The following ADAMTSL3 variants were observed in gnomAD, a reference collection of about 807,000 sequenced individuals.
The protein encoded by ADAMTSL3 is ADAMTS-like protein 3.
A neutral mutation model predicts 201.7 loss-of-function variants in ADAMTSL3; 128 were observed. The observed-to-expected ratio is 0.63, with a 90% CI of 0.55 to 0.73. The LOEUF (loss-of-function observed/expected upper bound fraction) is 0.73. ADAMTSL3 is among the 30% of genes least tolerant of loss of function. ADAMTSL3 has a pLI of 0.00. For missense variants in ADAMTSL3, 1,990 were observed against 2,119.6 expected (o/e 0.94, Z 1.20); for synonymous variants, 738 against 748.4 (o/e 0.99, Z 0.23).
At chr15:83,897,760 A>G (rs774993024) in intron 13 of ADAMTSL3, 98 bp from the exon 14 acceptor site, 3 of 1,357,004 alleles carry the variant, frequency 2.2e-6, no homozygotes, top group African/African-American at 1.4e-5. Context: ...TGTGTTTAAC[A>G]TTTATGTAGT....
chr15:83,991,071 TC>T lies in ADAMTSL3; in HGVS notation c.3845-12del, dbSNP rs750449413. 5 of 1,613,992 alleles carry T rather than the reference TC, an allele frequency of 3.1e-6. No individual in the cohort carries two copies. The African/African-American group carries it at 6.7e-5, about 22-fold the overall frequency. ...GCCTGAACCTAACATAGTTTCCTGC[TC>T]CCTTTGAATTAAGAGGCACCTGTCA... On this transcript the variant is annotated splice_polypyrimidine_tract_variant and intron_variant, in intron 22 of 29. Coordinates refer to ENST00000286744, the MANE Select transcript of ADAMTSL3 (RefSeq NM_207517.3).
intron 2 of ADAMTSL3, among the ~76,000 whole-genome samples, chr15:83,695,439 C>T (rs1596041691): frequency 6.6e-6 from 1 of 151,864 alleles, no homozygotes. Context: ...GTAAACAGCT[C>T]ATTCTGAGTA....
At chr15:83,887,000 A>C (rs11637095) in intron 10 of ADAMTSL3, among the ~76,000 whole-genome samples, 1 of 152,234 alleles carries the variant, frequency 6.6e-6, no homozygotes, top group South Asian at 2.1e-4. Context: ...GGTTGAGGCA[A>C]TGGACCACTT....
chr15:83,854,937 C>A (rs1481120134), intron 7 of ADAMTSL3, among the ~76,000 whole-genome samples: 1 of 152,182 alleles, frequency 6.6e-6, no homozygotes, highest in Non-Finnish European at 1.5e-5. Context: ...TCTAGAGCAA[C>A]AGGTGTTCCA....
At chr15:83,908,008 T>A (rs968071299) in intron 15 of ADAMTSL3, among the ~76,000 whole-genome samples, 3 of 152,224 alleles carry the variant, frequency 2.0e-5, no homozygotes, top group Non-Finnish European at 4.4e-5. Context: ...TCCCAAGATA[T>A]GTTTTTCTTT....
At chr15:83,900,803 A>G (rs922664) in intron 15 of ADAMTSL3, among the ~76,000 whole-genome samples, 95,359 of 152,064 alleles carry the variant, frequency 0.63, 30,996 homozygotes, top group African/African-American at 0.79. Context: ...AAAAAAATAC[A>G]TCTATGCCCC....
rs1308108593 is a variant in ADAMTSL3, at chr15:83,994,600, T to G, written c.3973+3386T>G. On this transcript the variant is annotated intron_variant, in intron 23 of 29. Transcript: ENST00000286744. ...TTTGTTTTTTCGTTTTTTTTTTTTT[T>G]TTTTTTTTTTTTTTGACACAGAACC... 8.4e-5 allele frequency among the ~76,000 whole-genome samples: 11 copies of G among 130,718 alleles called. No individual in the cohort carries two copies. The East Asian group carries it at 9.0e-4, about 11-fold the overall frequency. 85.8% of individuals were successfully genotyped at this position (130,718 alleles called of 152,430 possible). A position where few individuals can be genotyped will look rare whatever the true frequency, so the allele number is the denominator to read the frequency against.
intron 15 of ADAMTSL3, among the ~76,000 whole-genome samples, chr15:83,907,893 C>G (rs1319814081): frequency 6.6e-6 from 1 of 152,066 alleles, no homozygotes; most frequent in Non-Finnish European, 1.5e-5. Flanking sequence ...GAGTAAATAG[C>G]CAGTAGTGGA....
chr15:83,982,960 A>G lies in ADAMTSL3; in HGVS notation c.3332A>G (p.Glu1111Gly). The G allele has an allele frequency of 2.5e-6, 4 of 1,614,138 alleles. No homozygotes were observed. Among genetic ancestry groups the G allele is most frequent in the Non-Finnish European group, 3.4e-6 (4 of 1,180,032 alleles). Residue 1111 changes from glutamate to glycine, a missense_variant, in exon 21 of 30, where the codon GAG becomes GGG. By Grantham distance (98) the Glu-to-Gly change is moderately conservative (BLOSUM62 -2). Coordinates refer to ENST00000286744, the MANE Select transcript of ADAMTSL3 (RefSeq NM_207517.3). ...RNMSQLMETG[E>G]VSDDLASQLI... is the part of the protein sequence containing the mutation. ...ATGAGTCAGCTCATGGAAACCGGAG[A>G]GGTCAGCGATGATCTTGCGTCCCAG...
At chr15:83,715,647 C>T (rs544941840) in intron 3 of ADAMTSL3, among the ~76,000 whole-genome samples, 36 of 152,308 alleles carry the variant, frequency 2.4e-4, no homozygotes, top group African/African-American at 6.7e-4. Context: ...AAATGCACAA[C>T]GAGCATATAT....
intron 3 of ADAMTSL3, among the ~76,000 whole-genome samples, chr15:83,723,890 A>G (rs1032464576): frequency 6.6e-6 from 1 of 151,754 alleles, no homozygotes; most frequent in Admixed American, 6.7e-5. Flanking sequence ...CTAAATACTG[A>G]TGAAGAAGCA....
At chr15:83,669,866 C>G (rs910547099) in intron 2 of ADAMTSL3, among the ~76,000 whole-genome samples, 3 of 152,082 alleles carry the variant, frequency 2.0e-5, no homozygotes, top group African/African-American at 4.8e-5. Context: ...TCACTATACT[C>G]TCACAACCCT....
chr15:83,748,827 C>G (rs2062593238), intron 3 of ADAMTSL3, among the ~76,000 whole-genome samples: 1 of 152,086 alleles, frequency 6.6e-6, no homozygotes, highest in South Asian at 2.1e-4. Flanking sequence ...TGCTACAGGA[C>G]TTGTAAAGAG....
intron 16 of ADAMTSL3, among the ~76,000 whole-genome samples, chr15:83,915,442 T>A (rs1368580427): frequency 1.3e-5 from 2 of 152,044 alleles, no homozygotes; most frequent in Non-Finnish European, 2.9e-5. Context: ...CAGTACCCAC[T>A]GAGATGGCCC....
intron 17 of ADAMTSL3, among the ~76,000 whole-genome samples, chr15:83,934,058 T>G (rs2066415169): frequency 6.6e-6 from 1 of 152,126 alleles, no homozygotes; most frequent in Non-Finnish European, 1.5e-5. Flanking sequence ...CACTGCCTAG[T>G]GGAGCTGTGA....
At chr15:83,961,712 T>G (rs568271481) in intron 19 of ADAMTSL3, 1 of 152,280 alleles carries the variant, frequency 6.6e-6, no homozygotes, top group Admixed American at 6.5e-5. Context: ...TACTGTCTGA[T>G]AAGCCCTTGA....
rs992758456 is a variant in ADAMTSL3 at position 84,038,459 on chromosome 15, C to T, written c.*653C>T. 2.0e-5 allele frequency: 3 copies of T among 152,542 alleles called. No homozygotes were observed. Among genetic ancestry groups the T allele is most frequent in the Admixed American group, 6.5e-5 (1 of 15,272 alleles). 9.4% of individuals were successfully genotyped at this position (152,542 alleles called of 1,614,324 possible). Reference sequence around the variant, plus strand: ...GATATTGCTGTCATTTATACAACTACAGAAATTTATCTATGACCTAATGAG... The same window carrying T: ...GATATTGCTGTCATTTATACAACTATAGAAATTTATCTATGACCTAATGAG... On this transcript the variant is annotated 3_prime_UTR_variant, in exon 30 of 30. Transcript: ENST00000286744.
In ADAMTSL3 at chr15:83,768,192, C is replaced by G. The variant is rs572050290; in HGVS notation, c.190-5331C>G. On this transcript the variant is annotated intron_variant, in intron 3 of 29. Transcript: ENST00000286744. ...TTGCTTACCCTTATTGAGATACTCA[C>G]CAACTGCATGCGTGGAGATGCTGCC... Among the ~76,000 whole-genome samples, 18 of 152,314 alleles carry G rather than the reference C, an allele frequency of 1.2e-4. 1 individual carries two copies. The South Asian group carries it at 3.7e-3, about 32-fold the overall frequency.
At chr15:83,871,910 C>T (rs1403396495) in intron 9 of ADAMTSL3, among the ~76,000 whole-genome samples, 1 of 152,042 alleles carries the variant, frequency 6.6e-6, no homozygotes, top group Non-Finnish European at 1.5e-5. Context: ...TGAAAAAAAC[C>T]CTTTAGCTTT....
Sources: allele counts gnomAD v4.1 joint callset (sites outside exome capture counted in the v4.1 genomes callset), GRCh38; gene constraint gnomAD v4.1.1; transcripts MANE v1.5; gene names NCBI Gene and HGNC (gene_info 2026-07-23, HGNC 2026-07-21).